Variants in GRK3 observed in about 807,000 individuals in gnomAD.
GRK3 encodes the protein G protein-coupled receptor kinase 3.
In GRK3, 54 loss-of-function variants were observed where a neutral mutation model predicts 95.7. The ratio of observed to expected loss-of-function variants is 0.56; its 90% CI spans 0.45 to 0.71. The LOEUF (loss-of-function observed/expected upper bound fraction) is 0.71, where lower values mean the gene tolerates loss of function less well. Among genes scored for constraint, GRK3 ranks in the 30% least tolerant of loss-of-function variants. GRK3 has a pLI of 0.00. For synonymous variants in GRK3, 281 were observed against 290.8 expected, an observed-to-expected ratio of 0.97 and a Z score of 0.34; for missense variants, 649 against 851.2, an observed-to-expected ratio of 0.76 and a Z score of 2.96.
Position 25,687,631 on chromosome 22 carries a change from C to G in GRK3, c.921C>G (p.His307Gln), listed in dbSNP as rs747886645. 1 of 1,614,028 alleles carries G rather than the reference C, an allele frequency of 6.2e-7. No individual in the cohort carries two copies. Among genetic ancestry groups the G allele is most frequent in the African/African-American group, 1.3e-5 (1 of 74,920 alleles). ...YATEIILGLEHMHNRFVVYRD... is the reference protein window; with the variant it reads ...YATEIILGLEQMHNRFVVYRD... ...CTGAAATCATTCTGGGTCTGGAACACATGCACAATCGGTTTGTTGTCTACA... is the reference window on the plus strand; with the variant it reads ...CTGAAATCATTCTGGGTCTGGAACAGATGCACAATCGGTTTGTTGTCTACA... The change falls in exon 11 of 21, where the codon CAC becomes CAG. Residue 307 changes from histidine (H) to glutamine (Q), a missense_variant. This residue lies in a region of GRK3 where 382 missense variants were observed against 493.8 expected (regional missense o/e 0.77). Coordinates refer to ENST00000324198, the MANE Select transcript of GRK3 (RefSeq NM_005160.4).
At chr22:25,664,516 A>ATTT (rs1196086432) in intron 5 of GRK3, among the ~76,000 whole-genome samples, 17 of 121,516 alleles carry the variant, frequency 1.4e-4, no homozygotes, top group Non-Finnish European at 2.4e-4. Context: ...TGACTTTGGC[A>ATTT]TTTTTTTTTT....
intron 10 of GRK3, among the ~76,000 whole-genome samples, chr22:25,686,173 G>C (rs1396052376): frequency 6.6e-6 from 1 of 151,010 alleles, no homozygotes; most frequent in East Asian, 1.9e-4. Flanking sequence ...AGTGAGCCAA[G>C]ATTACGCCAC....
Position 25,722,464 on chromosome 22 carries a change from G to T in GRK3, c.*14G>T, listed in dbSNP as rs759979919. 4.3e-6 allele frequency: 7 copies of T among 1,613,378 alleles called. No homozygotes were observed. The Admixed American group carries it at 6.7e-5, about 15-fold the overall frequency. The stretch of plus-strand genomic sequence containing the variant: ...AACGGCCTCTAGCACCCAGAAACAG[G>T]GAGGGTCCTCGAGGAGGACACACCA... On this transcript the variant is annotated 3_prime_UTR_variant, in exon 21 of 21. Transcript: ENST00000324198.
At chr22:25,616,727 TGTTGCA>T (rs2084542095) in intron 2 of GRK3, among the ~76,000 whole-genome samples, 1 of 152,198 alleles carries the variant, frequency 6.6e-6, no homozygotes, top group South Asian at 2.1e-4. Context: ...TAAGAAATTA[TGTTGCA>T]GTACAAAAAA....
chr22:25,585,700 T>C (rs993497761), intron 1 of GRK3, among the ~76,000 whole-genome samples: 3 of 152,400 alleles, frequency 2.0e-5, no homozygotes, highest in African/African-American at 7.2e-5. Context: ...GGGTGACTTT[T>C]TCATTTGTTT....
intron 10 of GRK3, among the ~76,000 whole-genome samples, chr22:25,686,834 T>C (rs1248321036): frequency 6.6e-6 from 1 of 152,248 alleles, no homozygotes; most frequent in Non-Finnish European, 1.5e-5. Flanking sequence ...TTGTTGTTGT[T>C]GTCTTTTGAG....
rs568355101 is a variant in GRK3, at chr22:25,694,027, G to A, written c.1053-1080G>A. The stretch of plus-strand genomic sequence containing the variant: ...GCTGGTCTCAAACTCCTGACCTCAG[G>A]TGATCTGCCTGCCTTGGCCTCCCAA... On this transcript the variant is annotated intron_variant, in intron 12 of 20. Transcript: ENST00000324198. Among the ~76,000 whole-genome samples, 82 of 152,194 alleles carry A rather than the reference G, an allele frequency of 5.4e-4. 1 individual carries two copies. The highest frequency in any genetic ancestry group is 1.0e-4 in the Non-Finnish European group (7 of 68,004).
chr22:25,654,609 TA>T (rs943390887), intron 3 of GRK3, among the ~76,000 whole-genome samples: 2 of 152,232 alleles, frequency 1.3e-5, no homozygotes, highest in Non-Finnish European at 1.5e-5. Flanking sequence ...TGATCTGTCA[TA>T]AAAAATTTCT....
chr22:25,627,980 G>T (rs2084639657), intron 2 of GRK3, among the ~76,000 whole-genome samples: 2 of 152,158 alleles, frequency 1.3e-5, no homozygotes, highest in South Asian at 4.1e-4. Flanking sequence ...ATACAGAAAA[G>T]CCCTAGAACC....
rs528135816 is a variant in GRK3 at position 25,636,291 on chromosome 22, A to G, written c.191-8301A>G. The stretch of plus-strand genomic sequence containing the variant: ...TGTCATTGCTTCTAGACCTTTATAA[A>G]CAGAGCAAGGAAATGTTTGTGTGTA... On this transcript the variant is annotated intron_variant, in intron 2 of 20. Transcript: ENST00000324198. Among the ~76,000 whole-genome samples, 7 of 152,276 alleles carry G rather than the reference A, an allele frequency of 4.6e-5. No individual in the cohort carries two copies. The East Asian group carries it at 1.2e-3, about 25-fold the overall frequency.
chr22:25,576,363 A>C (rs561526743), intron 1 of GRK3, among the ~76,000 whole-genome samples: 1 of 152,334 alleles, frequency 6.6e-6, no homozygotes, highest in South Asian at 2.1e-4. Flanking sequence ...GGGACAAGTC[A>C]TCTTTCCATA....
Position 25,633,520 on chromosome 22 carries a change from A to C in GRK3, c.191-11072A>C, listed in dbSNP as rs1262327415. On this transcript the variant is annotated intron_variant, in intron 2 of 20. Coordinates refer to ENST00000324198, the MANE Select transcript of GRK3 (RefSeq NM_005160.4). ...AGTTTTTAGCATACAAATCATGCAC[A>C]TATCTGGTTAGATTTATTCGTAAGT... 2.0e-5 allele frequency among the ~76,000 whole-genome samples: 3 copies of C among 152,134 alleles called. No individual in the cohort carries two copies. In the South Asian group the frequency reaches 6.2e-4, roughly 31 times the overall value.
At chr22:25,653,233 A>T (rs958698779) in intron 3 of GRK3, among the ~76,000 whole-genome samples, 7 of 152,268 alleles carry the variant, frequency 4.6e-5, no homozygotes, top group African/African-American at 1.7e-4. Context: ...AGGATTAAAT[A>T]CTCCAAGTAA....
At chr22:25,678,993 C>T in intron 9 of GRK3, 78 bp downstream of exon 9, 1 of 993,222 alleles carries the variant, frequency 1.0e-6, no homozygotes, top group South Asian at 1.7e-5. Flanking sequence ...ATTTTTCCTT[C>T]TAGCTGATTG....
intron 17 of GRK3, among the ~76,000 whole-genome samples, chr22:25,713,670 G>A (rs1469409331): frequency 6.6e-6 from 1 of 152,212 alleles, no homozygotes; most frequent in Admixed American, 6.5e-5. Flanking sequence ...TAAAAATGTA[G>A]TTCACATGCA....
In GRK3 at chr22:25,695,171, G is replaced by A. The variant is rs1365583794; in HGVS notation, c.1117G>A (p.Asp373Asn). The stretch of plus-strand genomic sequence containing the variant: ...GGGGACGGCCTATGACAGCAGTGCC[G>A]ACTGGTTCTCCCTGGGCTGCATGCT... ...QKGTAYDSSA[D>N]WFSLGCMLFK... The change falls in exon 13 of 21, where the codon GAC (aspartate) becomes AAC (asparagine). Residue 373 changes from aspartate to asparagine, a missense_variant. Physicochemically the swap from Asp to Asn is conservative, Grantham distance 23. Coordinates refer to ENST00000324198, the MANE Select transcript of GRK3 (RefSeq NM_005160.4). The A allele has an allele frequency of 1.2e-6, 2 of 1,614,008 alleles. No homozygotes were observed. Among genetic ancestry groups the A allele is most frequent in the African/African-American group, 1.3e-5 (1 of 74,936 alleles).
chr22:25,586,012 A>G (rs925645502), intron 1 of GRK3, among the ~76,000 whole-genome samples: 1 of 152,282 alleles, frequency 6.6e-6, no homozygotes, highest in Non-Finnish European at 1.5e-5. Flanking sequence ...AGTCTTACTC[A>G]TCTTTCTATA....
chr22:25,665,912 G>C (rs1027842836), intron 5 of GRK3, among the ~76,000 whole-genome samples: 1 of 152,206 alleles, frequency 6.6e-6, no homozygotes, highest in African/African-American at 2.4e-5. Context: ...GGGCTTGGGA[G>C]GGGCCCTAGC....
intron 1 of GRK3, among the ~76,000 whole-genome samples, chr22:25,596,731 C>T (rs2084374878): frequency 6.6e-6 from 1 of 152,152 alleles, no homozygotes. Context: ...TTTATTGAGA[C>T]TCATAATTTA....
Sources: allele counts gnomAD v4.1 joint callset (sites outside exome capture counted in the v4.1 genomes callset), GRCh38; gene constraint gnomAD v4.1.1; regional missense constraint gnomAD v4.1.1; transcripts MANE v1.5; gene names NCBI Gene and HGNC (gene_info 2026-07-23, HGNC 2026-07-21).